The following DHX8 variants were observed in gnomAD, a reference collection of about 807,000 sequenced individuals.
The protein encoded by DHX8 is ATP-dependent RNA helicase DHX8.
Under a neutral mutation model 140.7 loss-of-function variants are expected in DHX8, and 67 were observed. That is an observed-to-expected ratio of 0.48 (90% confidence interval 0.39 to 0.58). The LOEUF is 0.58. Among genes scored for constraint, DHX8 ranks in the 20% least tolerant of loss-of-function variants. DHX8 has a pLI of 0.00. For missense variants in DHX8, 887 were observed against 1,550.7 expected, an observed-to-expected ratio of 0.57 and a Z score of 7.19; for synonymous variants, 533 against 553.2, an observed-to-expected ratio of 0.96 and a Z score of 0.51.
Position 43,522,208 on chromosome 17 carries a change from T to G in DHX8, c.3425T>G (p.Phe1142Cys). The G allele has an allele frequency of 1.2e-6, 2 of 1,613,534 alleles. No individual in the cohort carries two copies. Among genetic ancestry groups the G allele is most frequent in the Non-Finnish European group, 1.7e-6 (2 of 1,179,630 alleles). The change falls in exon 22 of 23, where the codon TTC (phenylalanine) becomes TGC (cysteine). Residue 1142 changes from phenylalanine to cysteine, a missense_variant. By Grantham distance (205) the Phe-to-Cys change is radical (BLOSUM62 -2). Coordinates refer to ENST00000262415, the MANE Select transcript of DHX8 (RefSeq NM_004941.3). ...VVYIHPSSAL[F>C]NRQPEWVVYH... is the part of the protein sequence containing the mutation. ...TATATCCATCCTTCCAGTGCCCTCT[T>G]CAACAGACAGCCAGAATGGTAGGTG...
At chr17:43,533,373 T>G (rs762144544) in intron 2 of DHX8, 2 of 1,598,420 alleles carry the variant, frequency 1.3e-6, no homozygotes, top group Admixed American at 1.7e-5. Flanking sequence ...GAGACAGGGG[T>G]GAGGGGGCAG....
At position 43,520,242 on chromosome 17, in the gene DHX8, G is replaced by A. The variant is rs1301024547; in HGVS notation, c.2912G>A (p.Gly971Asp). ...LYTLGALDDE[G>D]LLTRLGRRMA... Reference sequence around the variant, plus strand: ...ACACTGGGGGCCCTGGATGACGAGGGCCTGCTCACTCGCTTGGGCCGCCGG... The same window carrying A: ...ACACTGGGGGCCCTGGATGACGAGGACCTGCTCACTCGCTTGGGCCGCCGG... Residue 971 changes from glycine to aspartate, a missense_variant, in exon 19 of 23, where the codon GGC becomes GAC. By Grantham distance (94) the Gly-to-Asp change is moderately conservative (BLOSUM62 -1). Around this residue, in one of 9 missense-constraint regions of DHX8, gnomAD observed 151 missense variants for 388.3 expected, o/e 0.39. Coordinates refer to ENST00000262415, the MANE Select transcript of DHX8 (RefSeq NM_004941.3). 1 of 1,614,094 alleles carries A rather than the reference G, an allele frequency of 6.2e-7. No individual in the cohort carries two copies. The highest frequency in any genetic ancestry group is 1.1e-5 in the South Asian group (1 of 91,056).
chr17:43,530,221 G>GTGGA (rs1375604062), downstream of DHX8: 1 of 1,551,974 alleles, frequency 6.4e-7, no homozygotes, highest in Non-Finnish European at 8.7e-7. Flanking sequence ...GTGGCTTGGG[G>GTGGA]TGGAGCTCGA....
chr17:43,492,347 A>G lies in DHX8; in HGVS notation c.503+55A>G, dbSNP rs1968572185. The G allele has an allele frequency of 4.1e-6, 6 of 1,470,904 alleles. No homozygotes were observed. In the Admixed American group the frequency reaches 5.6e-5, roughly 14 times the overall value. 91.1% of individuals were successfully genotyped at this position (1,470,904 alleles called of 1,614,324 possible). A position where few individuals can be genotyped will look rare whatever the true frequency, so the allele number is the denominator to read the frequency against. On this transcript the variant is annotated intron_variant, in intron 5 of 22. Transcript: ENST00000262415. ...GTTTAGGGTACTGTGACAGTTGAATATTATGGACCAGCCAAGCAAAATTTT... is the reference window on the plus strand; with the variant it reads ...GTTTAGGGTACTGTGACAGTTGAATGTTATGGACCAGCCAAGCAAAATTTT...
chr17:43,517,586 T>A lies in DHX8; in HGVS notation c.2799+264T>A, dbSNP rs937383673. 3.1e-4 allele frequency: 125 copies of A among 397,506 alleles called. 1 individual carries two copies. In the Admixed American group the frequency reaches 5.1e-3, roughly 16 times the overall value. 24.6% of individuals were successfully genotyped at this position (397,506 alleles called of 1,614,324 possible). ...TGTAAAAGGTTCTAGTTAGGAGCATTTTCTAAAAGGAAATTAGAAAAATAT... is the reference window on the plus strand; with the variant it reads ...TGTAAAAGGTTCTAGTTAGGAGCATATTCTAAAAGGAAATTAGAAAAATAT... On this transcript the variant is annotated intron_variant, in intron 18 of 22. Transcript: ENST00000262415.
intron 18 of DHX8, 119 bp from the exon 19 acceptor site, chr17:43,520,011 C>A (rs1598175175): frequency 8.9e-7 from 1 of 1,129,302 alleles, no homozygotes; most frequent in Non-Finnish European, 1.3e-6. Context: ...GCCAGTCTCA[C>A]CGGTGGCTTC....
chr17:43,501,883 CAT>C (rs1330460764), intron 11 of DHX8, among the ~76,000 whole-genome samples: 4 of 152,106 alleles, frequency 2.6e-5, no homozygotes, highest in Admixed American at 6.6e-5. Flanking sequence ...GGATGGGGCA[CAT>C]GTGATGATTT....
chr17:43,494,258 C>A (rs1446339393), intron 8 of DHX8, among the ~76,000 whole-genome samples: 1 of 152,186 alleles, frequency 6.6e-6, no homozygotes, highest in Non-Finnish European at 1.5e-5. Context: ...TTACCGTCCA[C>A]TGGGTCCCTC....
chr17:43,529,843 G>C (rs766689856), downstream of DHX8: 1 of 1,609,122 alleles, frequency 6.2e-7, no homozygotes, highest in Non-Finnish European at 8.5e-7. Flanking sequence ...GACACAGCGT[G>C]ATAAGACCTT....
chr17:43,513,159 T>A (rs1440993280), intron 16 of DHX8, among the ~76,000 whole-genome samples: 1 of 152,150 alleles, frequency 6.6e-6, no homozygotes, highest in Non-Finnish European at 1.5e-5. Flanking sequence ...TCAGGTACCA[T>A]CCCTTTTCCA....
chr17:43,514,275 T>C (rs948066714), intron 17 of DHX8, among the ~76,000 whole-genome samples: 29 of 151,974 alleles, frequency 1.9e-4, no homozygotes, highest in African/African-American at 6.0e-4. Flanking sequence ...AGCCCAGGAG[T>C]CTGAGGCTGC....
downstream of DHX8, among the ~76,000 whole-genome samples, chr17:43,531,062 T>A (rs1199606730): frequency 6.6e-6 from 1 of 152,190 alleles, no homozygotes; most frequent in African/African-American, 2.4e-5. Flanking sequence ...CCCAGCTCAC[T>A]GCCAAGCCTG....
intron 3 of DHX8, 122 bp downstream of exon 3, chr17:43,490,585 C>A: frequency 1.2e-6 from 1 of 834,230 alleles, no homozygotes; most frequent in South Asian, 1.7e-5. Context: ...TAAGATTTTT[C>A]AAATGGGCTG....
At chr17:43,543,386 G>A (rs1971630484) in intron 3 of DHX8, among the ~76,000 whole-genome samples, 1 of 151,924 alleles carries the variant, frequency 6.6e-6, no homozygotes, top group African/African-American at 2.4e-5. Context: ...GACTTCCAAG[G>A]TAGAGAGATG....
At chr17:43,517,051 C>A in intron 17 of DHX8, 116 bp from the exon 18 acceptor site, 2 of 1,118,898 alleles carry the variant, frequency 1.8e-6, no homozygotes, top group Non-Finnish European at 2.5e-6. Flanking sequence ...GAAGTGAAAT[C>A]AACCCCATTT....
intron 2 of DHX8, among the ~76,000 whole-genome samples, chr17:43,535,879 G>A (rs1194580848): frequency 2.6e-5 from 4 of 152,204 alleles, no homozygotes; most frequent in Admixed American, 1.3e-4. Context: ...ATGGGAGGCC[G>A]AGGTGGGCGG....
chr17:43,502,669 G>T (rs112517419), intron 11 of DHX8, among the ~76,000 whole-genome samples: 2,663 of 152,172 alleles, frequency 0.017, 81 homozygotes, highest in African/African-American at 0.06. Flanking sequence ...AAATGATCTT[G>T]CCCACCTTGG....
At chr17:43,519,986 G>T in intron 18 of DHX8, 144 bp from the exon 19 acceptor site, 1 of 802,354 alleles carries the variant, frequency 1.2e-6, no homozygotes, top group Non-Finnish European at 2.1e-6. Flanking sequence ...ATGTGGCCCA[G>T]CCCTGGAAGT....
At chr17:43,498,014 C>T (rs969119755) in intron 9 of DHX8, among the ~76,000 whole-genome samples, 1 of 152,104 alleles carries the variant, frequency 6.6e-6, no homozygotes, top group Non-Finnish European at 1.5e-5. Flanking sequence ...GGCTTAACTT[C>T]TTTTCAAAGT....
Sources: gnomAD v4.1 joint callset for allele counts (sites outside exome capture counted in the v4.1 genomes callset) on GRCh38, gnomAD v4.1.1 for gene constraint, gnomAD v4.1.1 regional missense constraint, MANE v1.5 for transcripts, NCBI Gene and HGNC (gene_info 2026-07-23, HGNC 2026-07-21) for gene names.